KHDRBS2: variants seen among roughly 807,000 people sequenced by gnomAD.
KHDRBS2 encodes KH domain-containing, RNA-binding, signal transduction-associated protein 2.
Under a neutral mutation model 44.3 loss-of-function variants are expected in KHDRBS2, and 26 were observed. The observed-to-expected ratio is 0.59, with a 90% confidence interval of 0.43 to 0.81. The LOEUF (loss-of-function observed/expected upper bound fraction) is 0.81, where lower values mean the gene tolerates loss of function less well. Ranked by LOEUF, KHDRBS2 falls within the 40% of genes least tolerant of loss-of-function variation. The pLI, the probability that KHDRBS2 is intolerant of heterozygous loss-of-function variation, is 0.00. For missense variants in KHDRBS2, 476 were observed against 433.1 expected, an observed-to-expected ratio of 1.10 and a Z score of -0.88; for synonymous variants, 194 against 151.1, an observed-to-expected ratio of 1.28 and a Z score of -2.08.
the KHDRBS2 span, among the ~76,000 whole-genome samples, chr6:61,628,844 T>C: frequency 6.6e-6 from 1 of 152,330 alleles, no homozygotes; most frequent in Non-Finnish European, 1.5e-5. Flanking sequence ...TGTAAAACTA[T>C]ACCATGGACT....
chr6:61,626,430 A>G, the KHDRBS2 span, among the ~76,000 whole-genome samples: 6 of 152,300 alleles, frequency 3.9e-5, no homozygotes, highest in Admixed American at 2.0e-4. Flanking sequence ...ATTACAGCTA[A>G]GTTTCCACTG....
chr6:61,615,363 G>A, the KHDRBS2 span, among the ~76,000 whole-genome samples: 1 of 151,486 alleles, frequency 6.6e-6, no homozygotes, highest in Admixed American at 6.6e-5. Flanking sequence ...ATTATTATTT[G>A]GTTCAAGTCT....
intron 3 of KHDRBS2, among the ~76,000 whole-genome samples, chr6:62,022,106 T>C (rs1200476040): frequency 2.0e-5 from 3 of 151,202 alleles, no homozygotes; most frequent in Non-Finnish European, 4.4e-5. Context: ...AAGCTCTTGA[T>C]AATTGTTAGG....
Position 61,901,110 on chromosome 6 carries a change from C to T in KHDRBS2, c.611+134G>A, listed in dbSNP as rs1220597099. 56 of 804,236 alleles carry T rather than the reference C, an allele frequency of 7.0e-5. 1 individual carries two copies. Among genetic ancestry groups the T allele is most frequent in the South Asian group, 4.0e-4 (20 of 50,564 alleles). The allele number at this position is 804,236 out of a possible 1,614,324, so 49.8% of individuals were successfully genotyped here. On this transcript the variant is annotated intron_variant, in intron 5 of 8. Coordinates refer to ENST00000281156, the MANE Select transcript of KHDRBS2 (RefSeq NM_152688.4). ...TCTTCTGTGCCTGATAAGCTTTCATCGTTATTGTTTTTGCTGTGGTGGTAG... is the reference window on the plus strand; with the variant it reads ...TCTTCTGTGCCTGATAAGCTTTCATTGTTATTGTTTTTGCTGTGGTGGTAG...
rs115024613 is a variant in KHDRBS2, at chr6:62,189,998, C to T, written c.92-12686G>A. On this transcript the variant is annotated intron_variant, in intron 1 of 8. Transcript: ENST00000281156. ...GTGTCATTAGCATATGATTGATGCTCGAATTTATAGGAGTGGGAGAGAGGA... is the reference window on the plus strand; with the variant it reads ...GTGTCATTAGCATATGATTGATGCTTGAATTTATAGGAGTGGGAGAGAGGA... Among the ~76,000 whole-genome samples, 383 of 151,982 alleles carry T rather than the reference C, an allele frequency of 2.5e-3. 3 individuals carry two copies. Among genetic ancestry groups the T allele is most frequent in the African/African-American group, 8.4e-3 (350 of 41,460 alleles).
intron 6 of KHDRBS2, among the ~76,000 whole-genome samples, chr6:61,873,550 A>C (rs1012739496): frequency 5.3e-5 from 8 of 151,926 alleles, no homozygotes; most frequent in African/African-American, 1.9e-4. Context: ...ATTTATCTCA[A>C]ACAGTTGAAC....
intron 6 of KHDRBS2, among the ~76,000 whole-genome samples, chr6:61,790,685 T>C (rs1287149243): frequency 1.3e-5 from 2 of 151,608 alleles, no homozygotes; most frequent in African/African-American, 4.8e-5. Flanking sequence ...TGTTTAGGAA[T>C]TTTTGCATCT....
intron 3 of KHDRBS2, among the ~76,000 whole-genome samples, chr6:61,979,708 C>A (rs1773446522): frequency 6.6e-6 from 1 of 152,100 alleles, no homozygotes; most frequent in Non-Finnish European, 1.5e-5. Context: ...TTTCTTAGTG[C>A]CCAATTATCA....
chr6:61,944,426 C>A (rs958808096), intron 4 of KHDRBS2, among the ~76,000 whole-genome samples: 2 of 151,458 alleles, frequency 1.3e-5, no homozygotes, highest in Non-Finnish European at 2.9e-5. Context: ...ACTACATTTG[C>A]ATGCATATGT....
intron 7 of KHDRBS2, among the ~76,000 whole-genome samples, chr6:61,727,783 G>C (rs1021532706): frequency 6.6e-6 from 1 of 151,672 alleles, no homozygotes; most frequent in African/African-American, 2.4e-5. Flanking sequence ...AAACATGCTC[G>C]TGAAGTTGCA....
chr6:61,564,285 G>A, the KHDRBS2 span, among the ~76,000 whole-genome samples: 1 of 152,050 alleles, frequency 6.6e-6, no homozygotes, highest in East Asian at 1.9e-4. Flanking sequence ...GTAGTAGAAG[G>A]TAATGTTTCT....
At chr6:62,208,587 G>T (rs1828450408) in intron 1 of KHDRBS2, among the ~76,000 whole-genome samples, 1 of 151,996 alleles carries the variant, frequency 6.6e-6, no homozygotes, top group African/African-American at 2.4e-5. Flanking sequence ...CCTCTTTTGG[G>T]TATATATTCA....
chr6:62,198,019 A>G (rs1826051661), intron 1 of KHDRBS2, among the ~76,000 whole-genome samples: 2 of 152,164 alleles, frequency 1.3e-5, no homozygotes. Context: ...GGCAGAAATA[A>G]AGACGTTCTT....
chr6:61,901,447 CA>C, intron 4 of KHDRBS2, 76 bp from the exon 5 acceptor site: 8 of 1,109,440 alleles, frequency 7.2e-6, no homozygotes, highest in Non-Finnish European at 8.8e-6. Flanking sequence ...AAAAAAGAAA[CA>C]AAACAAAACG....
At chr6:61,637,114 T>G in the KHDRBS2 span, among the ~76,000 whole-genome samples, 3,722 of 152,186 alleles carry the variant, frequency 0.024, 69 homozygotes, top group Middle Eastern at 0.088. Flanking sequence ...ACATGTGCCA[T>G]GCTGGTGTGC....
intron 2 of KHDRBS2, among the ~76,000 whole-genome samples, chr6:62,090,862 T>C (rs1459572440): frequency 2.6e-5 from 4 of 152,176 alleles, no homozygotes. Context: ...TCCTGAGGTA[T>C]ATTTAGGTAC....
intron 2 of KHDRBS2, among the ~76,000 whole-genome samples, chr6:62,128,259 C>A (rs1335697539): frequency 6.6e-6 from 1 of 151,986 alleles, no homozygotes; most frequent in African/African-American, 2.4e-5. Context: ...GGCTCATTTT[C>A]CCACTGTAAA....
At chr6:62,257,621 T>G (rs1197656491) in intron 1 of KHDRBS2, among the ~76,000 whole-genome samples, 1 of 152,030 alleles carries the variant, frequency 6.6e-6, no homozygotes, top group African/African-American at 2.4e-5. Flanking sequence ...TGGGCAGAGG[T>G]GGCCCCTGTA....
At chr6:62,150,330 G>A (rs1814874641) in intron 2 of KHDRBS2, among the ~76,000 whole-genome samples, 1 of 151,234 alleles carries the variant, frequency 6.6e-6, no homozygotes, top group Non-Finnish European at 1.5e-5. Flanking sequence ...AGAAATTGTA[G>A]CATACATGGT....
Sources: allele counts gnomAD v4.1 joint callset (sites outside exome capture counted in the v4.1 genomes callset), GRCh38; gene constraint gnomAD v4.1.1; transcripts MANE v1.5; gene names NCBI Gene and HGNC (gene_info 2026-07-23, HGNC 2026-07-21).